The following LARGE1 variants were observed in gnomAD, a reference collection of about 807,000 sequenced individuals.
LARGE1 encodes the protein xylosyl- and glucuronyltransferase LARGE1.
A neutral mutation model predicts 87.6 loss-of-function variants in LARGE1; 43 were observed. That is an observed-to-expected ratio of 0.49 (90% CI 0.38 to 0.63). LARGE1 has a LOEUF of 0.63. LARGE1 is among the 30% of genes least tolerant of loss of function. The pLI is 0.00. For missense variants in LARGE1, 802 were observed against 1,000.2 expected (o/e 0.80, Z 2.67); for synonymous variants, 434 against 394.6 (o/e 1.10, Z -1.18).
intron 2 of LARGE1, among the ~76,000 whole-genome samples, chr22:33,667,183 G>C (rs1002617912): frequency 6.6e-6 from 1 of 152,220 alleles, no homozygotes; most frequent in African/African-American, 2.4e-5. Flanking sequence ...TGGATGATGG[G>C]AGAGTTATAT....
intron 3 of LARGE1, among the ~76,000 whole-genome samples, chr22:33,635,363 C>A (rs1291528603): frequency 6.6e-6 from 1 of 152,162 alleles, no homozygotes; most frequent in Non-Finnish European, 1.5e-5. Flanking sequence ...TGGTCCACCC[C>A]TGTATGTAAG....
At chr22:33,626,374 G>T in intron 3 of LARGE1, 48 bp from the exon 4 acceptor site, 2 of 1,461,704 alleles carry the variant, frequency 1.4e-6, no homozygotes, top group Non-Finnish European at 9.6e-7. Context: ...ACGGAAGGAG[G>T]CCTTCCTGGT....
At chr22:33,665,436 C>G (rs771554364) in intron 2 of LARGE1, among the ~76,000 whole-genome samples, 1 of 152,172 alleles carries the variant, frequency 6.6e-6, no homozygotes, top group Non-Finnish European at 1.5e-5. Flanking sequence ...CAGGTGAATA[C>G]AAGCAACTTT....
rs140989371 is a variant in LARGE1 at position 33,678,441 on chromosome 22, A to G, written c.107-27773T>C. Among the ~76,000 whole-genome samples, 759 of 152,332 alleles carry G rather than the reference A, an allele frequency of 5.0e-3. 5 individuals are homozygous for G. Among genetic ancestry groups the G allele is most frequent in the South Asian group, 0.013 (62 of 4,824 alleles). On this transcript the variant is annotated intron_variant, in intron 2 of 14. Transcript: ENST00000397394. ...TATAAACCACCACCTAAATGCATAC[A>G]CAGAACATTTGGGGGAGGAGGGGTG... is the stretch of plus-strand genomic sequence containing the variant.
At position 33,521,255 on chromosome 22, in the gene LARGE1, C is replaced by T. The variant is rs545769299; in HGVS notation, c.787+43593G>A. Among the ~76,000 whole-genome samples the T allele has an allele frequency of 1.6e-3, 249 of 152,364 alleles. 5 individuals carry two copies. Among genetic ancestry groups the T allele is most frequent in the Admixed American group, 0.016 (248 of 15,304 alleles). ...TCCTCACATGTAGTGGCTTAAAATGCAAGTAGGCAAGCTGGCCTGACACAG... is the reference window on the plus strand; with the variant it reads ...TCCTCACATGTAGTGGCTTAAAATGTAAGTAGGCAAGCTGGCCTGACACAG... On this transcript the variant is annotated intron_variant, in intron 6 of 14. Coordinates refer to ENST00000397394, the MANE Select transcript of LARGE1 (RefSeq NM_133642.5).
chr22:33,536,674 G>A (rs2077053219), intron 6 of LARGE1, among the ~76,000 whole-genome samples: 1 of 152,212 alleles, frequency 6.6e-6, no homozygotes, highest in Admixed American at 6.5e-5. Context: ...CACGTACACC[G>A]TCCTTACCAG....
At chr22:33,872,327 A>G (rs1330649484) in intron 1 of LARGE1, among the ~76,000 whole-genome samples, 1 of 151,022 alleles carries the variant, frequency 6.6e-6, no homozygotes, top group Non-Finnish European at 1.5e-5. Context: ...AGAACCTTCC[A>G]TGGCACAGAG....
chr22:33,323,116 T>C lies in LARGE1; in HGVS notation c.1288-6868A>G, dbSNP rs142600916. Among the ~76,000 whole-genome samples the C allele has an allele frequency of 1.4e-3, 209 of 151,238 alleles. 1 individual carries two copies. The highest frequency in any genetic ancestry group is 5.0e-3 in the African/African-American group (204 of 40,760). On this transcript the variant is annotated intron_variant, in intron 10 of 14. Coordinates refer to ENST00000397394, the MANE Select transcript of LARGE1 (RefSeq NM_133642.5). ...CAGCCTGGGTGACAGAGTGAGGCTC[T>C]GTCTCAAAAAACAACCACCACCATC...
At chr22:33,588,545 G>A (rs1459314070) in intron 5 of LARGE1, among the ~76,000 whole-genome samples, 2 of 151,972 alleles carry the variant, frequency 1.3e-5, no homozygotes, top group South Asian at 2.1e-4. Flanking sequence ...GCGCACGCAC[G>A]CATATAAAAC....
chr22:33,751,718 G>T (rs1360013352), intron 2 of LARGE1, among the ~76,000 whole-genome samples: 1 of 150,884 alleles, frequency 6.6e-6, no homozygotes, highest in African/African-American at 2.4e-5. Context: ...AATACTGAGA[G>T]TAATTTCATT....
At chr22:33,682,544 T>C (rs929477216) in intron 2 of LARGE1, among the ~76,000 whole-genome samples, 13 of 152,216 alleles carry the variant, frequency 8.5e-5, no homozygotes, top group African/African-American at 2.7e-4. Context: ...CTGGTGGACA[T>C]TGGCACTTCC....
exon 12 of LARGE1, chr22:33,163,598 T>A (rs960614799): frequency 6.6e-6 from 1 of 152,214 alleles, no homozygotes; most frequent in Non-Finnish European, 1.5e-5. Context: ...CTTAAACAGC[T>A]CATTGCCCCT....
chr22:33,248,828 T>A (rs1422430793), intron 11 of LARGE1, among the ~76,000 whole-genome samples: 1 of 152,220 alleles, frequency 6.6e-6, no homozygotes, highest in Non-Finnish European at 1.5e-5. Context: ...CAGACTGGCA[T>A]CTTTTACTTA....
At chr22:33,836,797 GAA>G (rs11411468) in intron 1 of LARGE1, among the ~76,000 whole-genome samples, 3 of 140,160 alleles carry the variant, frequency 2.1e-5, no homozygotes, top group Admixed American at 7.2e-5. Flanking sequence ...TACCTTACTG[GAA>G]AAAAAAAAAA....
chr22:33,756,490 G>T lies in LARGE1; in HGVS notation c.106+4881C>A, dbSNP rs542456939. ...TTAAGGGTCAGGAGCAATTAATTGT[G>T]TTTCAGCTGAGACCCAAGGATCTAG... On this transcript the variant is annotated intron_variant, in intron 2 of 14. Transcript: ENST00000397394. 5.9e-5 allele frequency among the ~76,000 whole-genome samples: 9 copies of T among 152,304 alleles called. No individual in the cohort carries two copies. In the East Asian group the frequency reaches 1.7e-3, roughly 29 times the overall value.
In LARGE1 at chr22:33,904,308, A is replaced by C. The variant is rs577580102; in HGVS notation, c.-83+15687T>G. Among the ~76,000 whole-genome samples the C allele has an allele frequency of 2.0e-5, 3 of 152,220 alleles. No individual in the cohort carries two copies. In the East Asian group the frequency reaches 5.8e-4, roughly 29 times the overall value. ...GTAGCTGGGATTACAGGCGTGTGCC[A>C]CCACGCTTGGCTAATTTTTGTATTT... On this transcript the variant is annotated intron_variant, in intron 1 of 14. Coordinates refer to ENST00000397394, the MANE Select transcript of LARGE1 (RefSeq NM_133642.5).
intron 6 of LARGE1, among the ~76,000 whole-genome samples, chr22:33,521,012 A>G (rs998991425): frequency 6.6e-6 from 1 of 152,214 alleles, no homozygotes; most frequent in Admixed American, 6.5e-5. Flanking sequence ...ACTGATTTTC[A>G]GTCCCCAGCG....
intron 11 of LARGE1, among the ~76,000 whole-genome samples, chr22:33,174,711 C>T (rs150392058): frequency 0.085 from 12,982 of 152,136 alleles, 739 homozygotes; most frequent in Middle Eastern, 0.2. Flanking sequence ...ATACTATAAA[C>T]ACCTCTACGC....
intron 6 of LARGE1, among the ~76,000 whole-genome samples, chr22:33,542,527 C>T (rs981376391): frequency 6.6e-6 from 1 of 150,610 alleles, no homozygotes; most frequent in Non-Finnish European, 1.5e-5. Flanking sequence ...AGCCCAGAGG[C>T]CAGAGACCTA....
Sources: allele counts gnomAD v4.1 joint callset (sites outside exome capture counted in the v4.1 genomes callset), GRCh38; gene constraint gnomAD v4.1.1; transcripts MANE v1.5; gene names NCBI Gene and HGNC (gene_info 2026-07-23, HGNC 2026-07-21).